TRIM11: variants seen among roughly 807,000 people sequenced by gnomAD.
TRIM11 encodes the protein tripartite motif containing 11, also known as E3 ubiquitin-protein ligase TRIM11.
Under a neutral mutation model 33.4 loss-of-function variants are expected in TRIM11, and 15 were observed. The ratio of observed to expected loss-of-function variants is 0.45; its 90% CI spans 0.30 to 0.69. The LOEUF (loss-of-function observed/expected upper bound fraction) is 0.69. Ranked by LOEUF, TRIM11 falls within the 30% of genes least tolerant of loss-of-function variation. The pLI, the probability that TRIM11 is intolerant of heterozygous loss-of-function variation, is 0.08. For synonymous variants in TRIM11, 281 were observed against 302.6 expected, an observed-to-expected ratio of 0.93 and a Z score of 0.74; for missense variants, 499 against 667.6, an observed-to-expected ratio of 0.75 and a Z score of 2.78.
At chr1:228,398,819 CT>C (rs776620851) in intron 3 of TRIM11, among the ~76,000 whole-genome samples, 32 of 152,034 alleles carry the variant, frequency 2.1e-4, no homozygotes, top group Non-Finnish European at 4.0e-4. Context: ...CGGCCCACCC[CT>C]GGTGTCATTT....
At chr1:228,404,504 T>C (rs1481694837) in intron 1 of TRIM11, 2 of 152,286 alleles carry the variant, frequency 1.3e-5, no homozygotes, top group Admixed American at 1.3e-4. Context: ...ACCTAGGCTC[T>C]AAGGCAGTGA....
chr1:228,399,754 C>T (rs1353851682), intron 3 of TRIM11, among the ~76,000 whole-genome samples: 1 of 151,906 alleles, frequency 6.6e-6, no homozygotes, highest in Non-Finnish European at 1.5e-5. Context: ...AGCTGGTGCA[C>T]GCGGCACACG....
chr1:228,394,696 G>A lies in TRIM11; in HGVS notation c.*9C>T, dbSNP rs1243653475. The stretch of plus-strand genomic sequence containing the variant: ...GAGAGGCAACAGGACTCCTCCAGGA[G>A]GGCCCGAGTCACTGGGGAGCCAGGG... On this transcript the variant is annotated 3_prime_UTR_variant, in exon 6 of 6. Coordinates refer to ENST00000284551, the MANE Select transcript of TRIM11 (RefSeq NM_145214.3). This position sits in a 1 kb window ranked among gnomAD's most constrained non-coding sequence, Gnocchi z 6.2. 9 of 1,585,696 alleles carry A rather than the reference G, an allele frequency of 5.7e-6. No individual in the cohort carries two copies. In the East Asian group the frequency reaches 1.8e-4, roughly 32 times the overall value.
intron 3 of TRIM11, among the ~76,000 whole-genome samples, chr1:228,399,110 C>T (rs1179687533): frequency 6.6e-6 from 1 of 152,116 alleles, no homozygotes; most frequent in African/African-American, 2.4e-5. Context: ...CAAGCCTTTA[C>T]CTCCACTGTG....
At position 228,406,759 on chromosome 1, in the gene TRIM11, TG is replaced by T; in HGVS notation, c.-199del. The T allele has an allele frequency of 3.2e-6, 1 of 315,218 alleles. No homozygotes were observed. Among genetic ancestry groups the T allele is most frequent in the East Asian group, 5.6e-5 (1 of 17,792 alleles). The allele number at this position is 315,218 out of a possible 1,614,324, so 19.5% of individuals were successfully genotyped here. A position where few individuals can be genotyped will look rare whatever the true frequency, so the allele number is the denominator to read the frequency against. On this transcript the variant is annotated 5_prime_UTR_variant, in exon 1 of 6. Coordinates refer to ENST00000284551, the MANE Select transcript of TRIM11 (RefSeq NM_145214.3). This position sits in a 1 kb window ranked among gnomAD's most constrained non-coding sequence, Gnocchi z 8.2. Reference sequence around the variant, plus strand: ...GCAGGACTCTGGGTTTCGGTAGCGCTGGGCGCGTAGGCTCCGAGCGCTCGGG... The same window carrying T: ...GCAGGACTCTGGGTTTCGGTAGCGCTGGCGCGTAGGCTCCGAGCGCTCGGG...
At chr1:228,405,605 T>C (rs1487705182) in intron 1 of TRIM11, 1 of 152,382 alleles carries the variant, frequency 6.6e-6, no homozygotes, top group Non-Finnish European at 1.5e-5. Context: ...TGGCTCCCAG[T>C]ACCCCACCCA....
Position 228,395,517 on chromosome 1 carries a change from C to G in TRIM11, c.860-265G>C. 4.2e-6 allele frequency: 1 copy of G among 238,992 alleles called. No homozygotes were observed. Among genetic ancestry groups the G allele is most frequent in the East Asian group, 7.3e-5 (1 of 13,700 alleles). 14.8% of individuals were successfully genotyped at this position (238,992 alleles called of 1,614,324 possible). A position where few individuals can be genotyped will look rare whatever the true frequency, so the allele number is the denominator to read the frequency against. On this transcript the variant is annotated intron_variant, in intron 5 of 5. Transcript: ENST00000284551. The surrounding 1 kb of genome is among the most constrained non-coding windows in gnomAD (Gnocchi z 4.8). ...AGATATCAAGAGGGAATCTTGGTTG[C>G]TTTTTTTTTTTTTTTTAAAGAGGCA... is the stretch of plus-strand genomic sequence containing the variant.
rs1054046652 is a variant in TRIM11 at position 228,401,578 on chromosome 1, G to C, written c.505-384C>G. Among the ~76,000 whole-genome samples, 6 of 151,872 alleles carry C rather than the reference G, an allele frequency of 4.0e-5. No homozygotes were observed. Among genetic ancestry groups the C allele is most frequent in the African/African-American group, 1.5e-4 (6 of 41,292 alleles). The stretch of plus-strand genomic sequence containing the variant: ...TAGAACCCTGCATCTACCACCTGGG[G>C]CCAGCTGGACTACAAATCTACCACC... On this transcript the variant is annotated intron_variant, in intron 2 of 5. Transcript: ENST00000284551. The surrounding 1 kb of genome is among the most constrained non-coding windows in gnomAD (Gnocchi z 6.1).
In TRIM11 at chr1:228,401,434, G is replaced by A. The variant is rs1656216054; in HGVS notation, c.505-240C>T. Among the ~76,000 whole-genome samples the A allele has an allele frequency of 1.3e-5, 2 of 152,028 alleles. No individual in the cohort carries two copies. Among genetic ancestry groups the A allele is most frequent in the South Asian group, 2.1e-4 (1 of 4,816 alleles). Reference sequence around the variant, plus strand: ...ACCCCAAATCCACCACTCAGGGAGAGCCAAATCCCATTCTACCACACAGGA... The same window carrying A: ...ACCCCAAATCCACCACTCAGGGAGAACCAAATCCCATTCTACCACACAGGA... On this transcript the variant is annotated intron_variant, in intron 2 of 5. Coordinates refer to ENST00000284551, the MANE Select transcript of TRIM11 (RefSeq NM_145214.3). The surrounding 1 kb of genome is among the most constrained non-coding windows in gnomAD (Gnocchi z 6.1).
At position 228,400,435 on chromosome 1, in the gene TRIM11, G is replaced by A. The variant is rs1005520346; in HGVS notation, c.735+529C>T. Among the ~76,000 whole-genome samples the A allele has an allele frequency of 6.6e-6, 1 of 152,012 alleles. No individual in the cohort carries two copies. Among genetic ancestry groups the A allele is most frequent in the African/African-American group, 2.4e-5 (1 of 41,268 alleles). Reference sequence around the variant, plus strand: ...GTGCACCAAGGAAAGCCCAGGCCCAGGGGGCCGGCTCAGGGAGTGGAGCCC... The same window carrying A: ...GTGCACCAAGGAAAGCCCAGGCCCAAGGGGCCGGCTCAGGGAGTGGAGCCC... On this transcript the variant is annotated intron_variant, in intron 3 of 5. Transcript: ENST00000284551. This position sits in a 1 kb window ranked among gnomAD's most constrained non-coding sequence, Gnocchi z 4.5.
At chr1:228,404,612 A>G (rs542561609) in intron 1 of TRIM11, 1 of 152,354 alleles carries the variant, frequency 6.6e-6, no homozygotes, top group East Asian at 1.9e-4. Context: ...TATCTGCCTA[A>G]AAGTAGGGTA....
Position 228,406,793 on chromosome 1 carries a change from G to C in TRIM11, c.-232C>G, listed in dbSNP as rs1656438561. 5.3e-6 allele frequency: 2 copies of C among 374,272 alleles called. No homozygotes were observed. The highest frequency in any genetic ancestry group is 9.4e-6 in the Non-Finnish European group (2 of 212,378). The allele number at this position is 374,272 out of a possible 1,614,324, so 23.2% of individuals were successfully genotyped here. A position where few individuals can be genotyped will look rare whatever the true frequency, so the allele number is the denominator to read the frequency against. ...AGGCTCCGAGCGCTCGGGGGACGCG[G>C]GACGTAGGGATCCCGGATGCCGGCA... is the stretch of plus-strand genomic sequence containing the variant. On this transcript the variant is annotated 5_prime_UTR_variant, in exon 1 of 6. Transcript: ENST00000284551. This position sits in a 1 kb window ranked among gnomAD's most constrained non-coding sequence, Gnocchi z 8.2.
chr1:228,395,291 A>G lies in TRIM11; in HGVS notation c.860-39T>C. 1 of 1,417,840 alleles carries G rather than the reference A, an allele frequency of 7.1e-7. No individual in the cohort carries two copies. Among genetic ancestry groups the G allele is most frequent in the African/African-American group, 1.4e-5 (1 of 69,768 alleles). 87.8% of individuals were successfully genotyped at this position (1,417,840 alleles called of 1,614,324 possible). A position where few individuals can be genotyped will look rare whatever the true frequency, so the allele number is the denominator to read the frequency against. ...CCCAAGGTCACCCAGGCACAGCCAC[A>G]GGCAAGCTGGGGCCATCTGCCCATG... On this transcript the variant is annotated intron_variant, in intron 5 of 5. Transcript: ENST00000284551. This position sits in a 1 kb window ranked among gnomAD's most constrained non-coding sequence, Gnocchi z 4.8.
In TRIM11 at chr1:228,406,611, G is replaced by A; in HGVS notation, c.-50C>T. The A allele has an allele frequency of 7.2e-7, 1 of 1,385,598 alleles. No individual in the cohort carries two copies. The highest frequency in any genetic ancestry group is 9.3e-7 in the Non-Finnish European group (1 of 1,071,372). 85.8% of individuals were successfully genotyped at this position (1,385,598 alleles called of 1,614,324 possible). ...GGTACTGTCCGCGGGGCGGCGGCGG[G>A]CGGCCTCGGCAGCTCGCGGGGACGC... On this transcript the variant is annotated 5_prime_UTR_variant, in exon 1 of 6. Transcript: ENST00000284551. The surrounding 1 kb of genome is among the most constrained non-coding windows in gnomAD (Gnocchi z 8.2).
chr1:228,405,083 G>A (rs890184341), intron 1 of TRIM11: 2 of 152,204 alleles, frequency 1.3e-5, no homozygotes, highest in African/African-American at 4.8e-5. Flanking sequence ...GCACCCATTG[G>A]GGTAATTGGT....
In TRIM11 at chr1:228,394,166, T is replaced by C. The variant is rs890554735; in HGVS notation, c.*539A>G. The C allele has an allele frequency of 5.9e-5, 9 of 153,352 alleles. No homozygotes were observed. The highest frequency in any genetic ancestry group is 1.3e-4 in the Non-Finnish European group (9 of 68,940). 9.5% of individuals were successfully genotyped at this position (153,352 alleles called of 1,614,324 possible). A position where few individuals can be genotyped will look rare whatever the true frequency, so the allele number is the denominator to read the frequency against. ...CCCCTCCCATCATCTCTCTGAAGACTCTTATTATGGCTGCCTCCTAATTCT... is the reference window on the plus strand; with the variant it reads ...CCCCTCCCATCATCTCTCTGAAGACCCTTATTATGGCTGCCTCCTAATTCT... On this transcript the variant is annotated 3_prime_UTR_variant, in exon 6 of 6. Coordinates refer to ENST00000284551, the MANE Select transcript of TRIM11 (RefSeq NM_145214.3). This position sits in a 1 kb window ranked among gnomAD's most constrained non-coding sequence, Gnocchi z 6.2.
At chr1:228,399,108 T>C (rs1574084690) in intron 3 of TRIM11, among the ~76,000 whole-genome samples, 1 of 152,036 alleles carries the variant, frequency 6.6e-6, no homozygotes, top group Non-Finnish European at 1.5e-5. Flanking sequence ...CTCAAGCCTT[T>C]ACCTCCACTG....
chr1:228,398,986 G>A (rs77518933), intron 3 of TRIM11, among the ~76,000 whole-genome samples: 1,539 of 152,154 alleles, frequency 0.01, 22 homozygotes, highest in African/African-American at 0.035. Flanking sequence ...ACCACTCTGC[G>A]GCTACAAGCA....
rs1180124773 is a variant in TRIM11 at position 228,406,032 on chromosome 1, G to A, written c.408+122C>T. On this transcript the variant is annotated intron_variant, in intron 1 of 5. Coordinates refer to ENST00000284551, the MANE Select transcript of TRIM11 (RefSeq NM_145214.3). The surrounding 1 kb of genome is among the most constrained non-coding windows in gnomAD (Gnocchi z 8.2). ...AGGCCCACAGCAGGCTGCATCCTGA[G>A]CTCCCCGCCCTAGACAGAGACAGAT... 3 of 1,169,860 alleles carry A rather than the reference G, an allele frequency of 2.6e-6. No homozygotes were observed. The highest frequency in any genetic ancestry group is 3.3e-6 in the Non-Finnish European group (3 of 908,158). The allele number at this position is 1,169,860 out of a possible 1,614,324, so 72.5% of individuals were successfully genotyped here. A position where few individuals can be genotyped will look rare whatever the true frequency, so the allele number is the denominator to read the frequency against.
Sources: gnomAD v4.1 joint callset for allele counts (sites outside exome capture counted in the v4.1 genomes callset) on GRCh38, gnomAD v4.1.1 for gene constraint, Gnocchi (gnomAD v3.1) non-coding constraint, MANE v1.5 for transcripts, NCBI Gene and HGNC (gene_info 2026-07-23, HGNC 2026-07-21) for gene names.